SLC38A4: variants seen among roughly 807,000 people sequenced by gnomAD.
SLC38A4 encodes the protein sodium-coupled neutral amino acid transporter 4.
Under a neutral mutation model 63.1 loss-of-function variants are expected in SLC38A4, and 20 were observed. The ratio of observed to expected loss-of-function variants is 0.32; its 90% CI spans 0.22 to 0.46. SLC38A4 has a LOEUF of 0.46. Ranked by LOEUF, SLC38A4 falls within the 20% of genes least tolerant of loss-of-function variation. SLC38A4 has a pLI of 1.00. For synonymous variants in SLC38A4, 230 were observed against 225.5 expected (o/e 1.02, Z -0.18); for missense variants, 526 against 663.6 (o/e 0.79, Z 2.28).
At position 46,783,051 on chromosome 12, in the gene SLC38A4, T is replaced by TGTGC. The variant is rs1555170941; in HGVS notation, c.493+1490_493+1491insGCAC. On this transcript the variant is annotated intron_variant, in intron 7 of 16. Transcript: ENST00000266579. ...GTGTGTGTGTGTGTGTGTGTGTGTG[T>TGTGC]GTGTGTGTTAGGGTTGGAGGACTTT... Among the ~76,000 whole-genome samples, 943 of 140,994 alleles carry TGTGC rather than the reference T, an allele frequency of 6.7e-3. 15 individuals are homozygous for TGTGC. The highest frequency in any genetic ancestry group is 0.018 in the South Asian group (75 of 4,236). The allele number at this position is 140,994 out of a possible 152,430, so 92.5% of individuals were successfully genotyped here.
At chr12:46,767,148 TA>T (rs1413799419) in intron 16 of SLC38A4, among the ~76,000 whole-genome samples, 1 of 151,956 alleles carries the variant, frequency 6.6e-6, no homozygotes, top group East Asian at 1.9e-4. Context: ...AAGAGCAGGT[TA>T]AAAAAGAATA....
intron 1 of SLC38A4, chr12:46,824,447 A>C (rs1939608132): frequency 6.6e-6 from 1 of 152,100 alleles, no homozygotes; most frequent in African/African-American, 2.4e-5. Context: ...CACACTTTTC[A>C]CCTCTTCAAG....
chr12:46,785,083 T>C (rs1161783067), intron 6 of SLC38A4, 21 bp downstream of exon 6: 1 of 1,566,406 alleles, frequency 6.4e-7, no homozygotes, highest in South Asian at 1.1e-5. Flanking sequence ...TAGAATGTGT[T>C]GGACTCAAGT....
intron 3 of SLC38A4, among the ~76,000 whole-genome samples, chr12:46,789,384 T>C (rs1056102367): frequency 4.6e-5 from 7 of 152,160 alleles, no homozygotes; most frequent in Non-Finnish European, 1.0e-4. Flanking sequence ...ATTAAAGCAA[T>C]TCAATGAACT....
intron 1 of SLC38A4, among the ~76,000 whole-genome samples, chr12:46,816,063 A>G (rs1484307779): frequency 1.3e-5 from 2 of 151,978 alleles, no homozygotes; most frequent in Non-Finnish European, 2.9e-5. Flanking sequence ...TGGACTTGCC[A>G]TAGCAATGTC....
intron 5 of SLC38A4, among the ~76,000 whole-genome samples, chr12:46,786,587 C>T (rs180435): frequency 1.3e-5 from 2 of 151,908 alleles, no homozygotes; most frequent in Non-Finnish European, 2.9e-5. Context: ...GGAAAGGCAG[C>T]TTTTTTTGTC....
At chr12:46,769,034 C>T (rs1441495128) in intron 15 of SLC38A4, among the ~76,000 whole-genome samples, 1 of 152,056 alleles carries the variant, frequency 6.6e-6, no homozygotes, top group African/African-American at 2.4e-5. Context: ...TATGACTTGA[C>T]TTTTATAGGG....
At chr12:46,825,493 A>G (rs1418420401) in intron 1 of SLC38A4, among the ~76,000 whole-genome samples, 1 of 152,196 alleles carries the variant, frequency 6.6e-6, no homozygotes, top group East Asian at 1.9e-4. Flanking sequence ...CTGCATTCTC[A>G]GGACTGCAAT....
intron 1 of SLC38A4, among the ~76,000 whole-genome samples, chr12:46,832,122 G>T (rs1939739705): frequency 6.6e-6 from 1 of 152,048 alleles, no homozygotes; most frequent in Non-Finnish European, 1.5e-5. Context: ...TGAATGTTTG[G>T]AAAATAATAA....
chr12:46,786,607 A>T (rs1377979444), intron 5 of SLC38A4, among the ~76,000 whole-genome samples: 1 of 152,170 alleles, frequency 6.6e-6, no homozygotes, highest in Non-Finnish European at 1.5e-5. Context: ...CTTAGAGGTA[A>T]GCACATTACA....
At chr12:46,798,885 C>G (rs1306461223) in intron 2 of SLC38A4, among the ~76,000 whole-genome samples, 1 of 152,104 alleles carries the variant, frequency 6.6e-6, no homozygotes, top group African/African-American at 2.4e-5. Flanking sequence ...ATTGCCATCT[C>G]TACTACAGAG....
intron 2 of SLC38A4, among the ~76,000 whole-genome samples, chr12:46,794,490 T>C (rs1234717532): frequency 4.0e-5 from 6 of 150,020 alleles, no homozygotes; most frequent in Non-Finnish European, 7.4e-5. Context: ...AAAAACATTA[T>C]AAAGGAATAT....
chr12:46,766,497 T>C lies in SLC38A4; in HGVS notation c.*204A>G, dbSNP rs1938302812. 8 of 658,442 alleles carry C rather than the reference T, an allele frequency of 1.2e-5. No homozygotes were observed. Among genetic ancestry groups the C allele is most frequent in the Non-Finnish European group, 2.2e-5 (8 of 356,492 alleles). 40.8% of individuals were successfully genotyped at this position (658,442 alleles called of 1,614,324 possible). On this transcript the variant is annotated 3_prime_UTR_variant, in exon 17 of 17. Transcript: ENST00000266579. ...CTGGGTAGAAATGTGCACCACAGGT[T>C]TTATTTTAAACACATACACAACCAT...
chr12:46,809,813 G>T (rs1048308718), intron 1 of SLC38A4, among the ~76,000 whole-genome samples: 1 of 152,098 alleles, frequency 6.6e-6, no homozygotes, highest in African/African-American at 2.4e-5. Context: ...GGTATATTTA[G>T]GTCTGGGGAT....
intron 2 of SLC38A4, among the ~76,000 whole-genome samples, chr12:46,801,506 C>T (rs11183617): frequency 0.73 from 110,130 of 151,876 alleles, 40,723 homozygotes; most frequent in Non-Finnish European, 0.8. Flanking sequence ...GAGCAGATTT[C>T]CCAGCATTGC....
Position 46,766,802 on chromosome 12 carries a change from C to T in SLC38A4, c.1543G>A (p.Ala515Thr), listed in dbSNP as rs775500300. ...ETFRSPQKVGALIFLVVGIFF... is the reference protein window; with the variant it reads ...ETFRSPQKVGTLIFLVVGIFF... The stretch of plus-strand genomic sequence containing the variant: ...ATTCCAACCACAAGGAAAATTAAAG[C>T]CTGTAATTCAGAGAGACTCTGTTAG... The change falls in exon 17 of 17, where the codon GCT (alanine) becomes ACT (threonine). Residue 515 changes from alanine (A) to threonine (T), a missense_variant and splice_region_variant. Transcript: ENST00000266579. 6.2e-7 allele frequency: 1 copy of T among 1,603,672 alleles called. No homozygotes were observed. The highest frequency in any genetic ancestry group is 8.5e-7 in the Non-Finnish European group (1 of 1,172,302).
upstream of SLC38A4, among the ~76,000 whole-genome samples, chr12:46,829,219 C>G (rs1473784707): frequency 6.6e-6 from 1 of 152,160 alleles, no homozygotes; most frequent in Non-Finnish European, 1.5e-5. Context: ...AAGACTGGCT[C>G]TTAAAGCACC....
In SLC38A4 at chr12:46,778,274, T is replaced by A. The variant is rs1353551791; in HGVS notation, c.1073+15A>T. 1 of 1,610,810 alleles carries A rather than the reference T, an allele frequency of 6.2e-7. No individual in the cohort carries two copies. Among genetic ancestry groups the A allele is most frequent in the East Asian group, 2.2e-5 (1 of 44,814 alleles). On this transcript the variant is annotated intron_variant, in intron 12 of 16. Transcript: ENST00000266579. ...TTCAAAGCAAATTAGAATGCTAAAA[T>A]GATGGCTGCCTTACTCTTTAAGTTC...
chr12:46,800,736 G>C (rs1188351489), intron 2 of SLC38A4, among the ~76,000 whole-genome samples: 1 of 152,092 alleles, frequency 6.6e-6, no homozygotes, highest in Non-Finnish European at 1.5e-5. Flanking sequence ...TAGGAATGCT[G>C]CTGGGGTTGT....
Sources: allele counts gnomAD v4.1 joint callset (sites outside exome capture counted in the v4.1 genomes callset), GRCh38; gene constraint gnomAD v4.1.1; transcripts MANE v1.5; gene names NCBI Gene and HGNC (gene_info 2026-07-23, HGNC 2026-07-21).